ATP13A3: variants seen among roughly 807,000 people sequenced by gnomAD.
The protein encoded by ATP13A3 is polyamine-transporting ATPase 13A3.
A neutral mutation model predicts 158.1 loss-of-function variants in ATP13A3; 59 were observed. The observed-to-expected ratio is 0.37, with a 90% CI of 0.30 to 0.46. The LOEUF (loss-of-function observed/expected upper bound fraction) is 0.46. ATP13A3 is among the 20% of genes least tolerant of loss of function. The pLI is 1.00. For synonymous variants in ATP13A3, 491 were observed against 504.3 expected, an observed-to-expected ratio of 0.97 and a Z score of 0.35; for missense variants, 1,166 against 1,525.2, an observed-to-expected ratio of 0.76 and a Z score of 3.92.
chr3:194,483,291 A>G (rs114310121), intron 2 of ATP13A3, among the ~76,000 whole-genome samples: 1,535 of 143,374 alleles, frequency 0.011, 28 homozygotes, highest in African/African-American at 0.04. Context: ...CTCTGGGGGG[A>G]AAAAAAAAGA....
intron 6 of ATP13A3, 64 bp from the exon 7 acceptor site, chr3:194,457,238 A>G (rs1719295302): frequency 8.4e-7 from 1 of 1,189,348 alleles, no homozygotes. Flanking sequence ...TTAACGCCTC[A>G]TTTTTCTATA....
At chr3:194,457,278 T>A in intron 6 of ATP13A3, 104 bp from the exon 7 acceptor site, 1 of 758,294 alleles carries the variant, frequency 1.3e-6, no homozygotes, top group Non-Finnish European at 2.2e-6. Flanking sequence ...GTGACTTCCT[T>A]ACAAATCCTT....
At chr3:194,462,355 G>C (rs986778425) in intron 2 of ATP13A3, 119 bp from the exon 3 acceptor site, 2 of 636,866 alleles carry the variant, frequency 3.1e-6, no homozygotes, top group African/African-American at 1.8e-5. Context: ...TCACGGACCT[G>C]TTAGGAACAG....
chr3:194,436,200 A>G (rs546260600), intron 20 of ATP13A3, among the ~76,000 whole-genome samples: 2 of 152,178 alleles, frequency 1.3e-5, no homozygotes, highest in African/African-American at 4.8e-5. Context: ...CAGCCAAGTG[A>G]CACTCCTTTC....
chr3:194,448,223 G>A lies in ATP13A3; in HGVS notation c.1151-214C>T, dbSNP rs1464608247. Among the ~76,000 whole-genome samples, 3 of 151,904 alleles carry A rather than the reference G, an allele frequency of 2.0e-5. No individual in the cohort carries two copies. The highest frequency in any genetic ancestry group is 4.4e-5 in the Non-Finnish European group (3 of 67,994). On this transcript the variant is annotated intron_variant, in intron 12 of 33. Transcript: ENST00000645319. This position sits in a 1 kb window ranked among gnomAD's most constrained non-coding sequence, Gnocchi z 4.0. The stretch of plus-strand genomic sequence containing the variant: ...CTCCCGAGTAGCTGGGACTGCAGGC[G>A]CCCGCCACCAGGCCCGGCTAATTTT...
intron 17 of ATP13A3, among the ~76,000 whole-genome samples, chr3:194,437,951 G>A (rs1386644538): frequency 2.6e-5 from 4 of 152,180 alleles, no homozygotes; most frequent in African/African-American, 9.7e-5. Flanking sequence ...CTTGAGGGCA[G>A]GAGATCGAGA....
At chr3:194,410,621 C>CA (rs1560067084) in intron 33 of ATP13A3, among the ~76,000 whole-genome samples, 2 of 151,760 alleles carry the variant, frequency 1.3e-5, no homozygotes, top group Non-Finnish European at 2.9e-5. Flanking sequence ...AAACAGAGAC[C>CA]AAAAAAAGAA....
At chr3:194,409,128 T>C (rs932075564) in intron 33 of ATP13A3, among the ~76,000 whole-genome samples, 2 of 152,196 alleles carry the variant, frequency 1.3e-5, no homozygotes, top group African/African-American at 4.8e-5. Context: ...ATGCATAGTT[T>C]AGCAGAGAAA....
chr3:194,473,755 AG>A (rs1418509859), intron 2 of ATP13A3, among the ~76,000 whole-genome samples: 2 of 152,204 alleles, frequency 1.3e-5, no homozygotes, highest in African/African-American at 4.8e-5. Context: ...TGTTTGCAGC[AG>A]GGGGAAAAAA....
chr3:194,464,083 C>T (rs1315990555), intron 2 of ATP13A3, among the ~76,000 whole-genome samples: 2 of 152,142 alleles, frequency 1.3e-5, no homozygotes, highest in South Asian at 2.1e-4. Flanking sequence ...ATTGCTTGAA[C>T]CCAGGAGGCG....
In ATP13A3 at chr3:194,430,275, C is replaced by T. The variant is rs751336630; in HGVS notation, c.2665G>A (p.Gly889Ser). 6.2e-7 allele frequency: 1 copy of T among 1,613,746 alleles called. No individual in the cohort carries two copies. Among genetic ancestry groups the T allele is most frequent in the Non-Finnish European group, 8.5e-7 (1 of 1,179,800 alleles). ...GMCGDGANDCGALKRAHGGIS... is the reference protein window; with the variant it reads ...GMCGDGANDCSALKRAHGGIS... ...TAAATCACAAAAACTATACTTACACCACAATCATTTGCGCCATCACCACAC... is the reference window on the plus strand; with the variant it reads ...TAAATCACAAAAACTATACTTACACTACAATCATTTGCGCCATCACCACAC... The change falls in exon 25 of 34, where the codon GGT becomes AGT. Residue 889 changes from glycine (G) to serine (S), a missense_variant and splice_region_variant. Gly to Ser is a moderately conservative substitution (Grantham distance 56, BLOSUM62 0). Coordinates refer to ENST00000645319, the MANE Select transcript of ATP13A3 (RefSeq NM_001367549.1).
chr3:194,444,824 T>C (rs766089927), intron 14 of ATP13A3, 38 bp from the exon 15 acceptor site: 3 of 1,526,148 alleles, frequency 2.0e-6, no homozygotes, highest in African/African-American at 2.8e-5. Flanking sequence ...AAAGTATGGA[T>C]GATGCCTCAA....
chr3:194,405,807 C>A lies in ATP13A3; in HGVS notation c.*112G>T. The A allele has an allele frequency of 1.3e-5, 14 of 1,104,102 alleles. No homozygotes were observed. Among genetic ancestry groups the A allele is most frequent in the Admixed American group, 2.1e-5 (1 of 48,204 alleles). The allele number at this position is 1,104,102 out of a possible 1,614,324, so 68.4% of individuals were successfully genotyped here. A position where few individuals can be genotyped will look rare whatever the true frequency, so the allele number is the denominator to read the frequency against. ...AAAGCTGTCAAATAAGCTACTATAT[C>A]AGAAGGGACATAAACTGAACTAGTG... On this transcript the variant is annotated 3_prime_UTR_variant, in exon 34 of 34. Transcript: ENST00000645319.
intron 10 of ATP13A3, chr3:194,453,025 T>C (rs188252719): frequency 2.0e-5 from 3 of 152,144 alleles, no homozygotes; most frequent in Admixed American, 1.3e-4. Flanking sequence ...AAAAAATGAA[T>C]GTATGTGCGA....
In ATP13A3 at chr3:194,406,080, A is replaced by G; in HGVS notation, c.3610T>C (p.Trp1204Arg). The G allele has an allele frequency of 6.2e-7, 1 of 1,614,208 alleles. No homozygotes were observed. Among genetic ancestry groups the G allele is most frequent in the Non-Finnish European group, 8.5e-7 (1 of 1,180,040 alleles). The change falls in exon 34 of 34, where the codon TGG becomes CGG. Residue 1204 changes from tryptophan to arginine, a missense_variant. By Grantham distance (101) the Trp-to-Arg change is moderately radical (BLOSUM62 -3). This residue lies in a region of ATP13A3 where 997 missense variants were observed against 1,341.2 expected (regional missense o/e 0.74). Coordinates refer to ENST00000645319, the MANE Select transcript of ATP13A3 (RefSeq NM_001367549.1). ...GTCTTCTTTCTACAGCCCAGGGCCC[A>G]GGGTAAGCAGCATTTTCCCCACCGA... The part of the protein sequence containing the change: ...VDRWGKCCLP[W>R]ALGCRKKTPK...
intron 33 of ATP13A3, among the ~76,000 whole-genome samples, chr3:194,408,381 T>C (rs947485592): frequency 1.3e-5 from 2 of 152,184 alleles, no homozygotes; most frequent in African/African-American, 4.8e-5. Flanking sequence ...TAATGTTGAC[T>C]GCTGACTTTT....
intron 16 of ATP13A3, among the ~76,000 whole-genome samples, chr3:194,439,626 T>C (rs2108858172): frequency 6.6e-6 from 1 of 152,336 alleles, no homozygotes; most frequent in South Asian, 2.1e-4. Flanking sequence ...AGACACCTTT[T>C]TTCGTATCTT....
upstream of ATP13A3, among the ~76,000 whole-genome samples, chr3:194,489,145 C>T (rs1272384344): frequency 6.6e-6 from 1 of 152,214 alleles, no homozygotes; most frequent in East Asian, 1.9e-4. The surrounding 1 kb of genome is among the most constrained non-coding windows in gnomAD (Gnocchi z 4.1). Flanking sequence ...CCTTAATAAG[C>T]CTCAAATTCC....
rs1349442097 is a variant in ATP13A3, at chr3:194,403,594, T to C, written c.*2325A>G. 1 of 152,250 alleles carries C rather than the reference T, an allele frequency of 6.6e-6. No individual in the cohort carries two copies. The highest frequency in any genetic ancestry group is 1.5e-5 in the Non-Finnish European group (1 of 68,058). 9.4% of individuals were successfully genotyped at this position (152,250 alleles called of 1,614,324 possible). The stretch of plus-strand genomic sequence containing the variant: ...TTTAAATCAGCAATATTCATCTTAA[T>C]ACATCAAAATAATATATGTACAGAT... On this transcript the variant is annotated 3_prime_UTR_variant, in exon 34 of 34. Coordinates refer to ENST00000645319, the MANE Select transcript of ATP13A3 (RefSeq NM_001367549.1).
Sources: gnomAD v4.1 joint callset for allele counts (sites outside exome capture counted in the v4.1 genomes callset) on GRCh38, gnomAD v4.1.1 for gene constraint, gnomAD v4.1.1 regional missense constraint, Gnocchi (gnomAD v3.1) non-coding constraint, MANE v1.5 for transcripts, NCBI Gene and HGNC (gene_info 2026-07-23, HGNC 2026-07-21) for gene names.